The following ENTPD7 variants were observed in gnomAD, a reference collection of about 807,000 sequenced individuals.
The protein encoded by ENTPD7 is ectonucleoside triphosphate diphosphohydrolase 7, also known as NTPDase 7.
Under a neutral mutation model 77.9 loss-of-function variants are expected in ENTPD7, and 53 were observed. That is an observed-to-expected ratio of 0.68 (90% CI 0.55 to 0.85). ENTPD7 has a LOEUF of 0.85. Ranked by LOEUF, ENTPD7 falls within the 40% of genes least tolerant of loss-of-function variation. The probability of loss-of-function intolerance (pLI) is 0.00; values close to 1 mark genes in which losing one functional copy is unlikely to be tolerated. For synonymous variants in ENTPD7, 248 were observed against 274.9 expected (o/e 0.90, Z 0.97); for missense variants, 636 against 743.7 (o/e 0.86, Z 1.68).
chr10:99,695,246 C>T (rs552221247), intron 8 of ENTPD7, among the ~76,000 whole-genome samples: 12 of 151,490 alleles, frequency 7.9e-5, no homozygotes, highest in South Asian at 4.2e-4. Flanking sequence ...GCCACAGAAC[C>T]GGGCACAGTG....
chr10:99,668,226 T>C (rs7913939), intron 3 of ENTPD7, among the ~76,000 whole-genome samples: 130,690 of 152,110 alleles, frequency 0.86, 56,226 homozygotes, highest in Middle Eastern at 0.92. Flanking sequence ...TGAGCCACCA[T>C]GCCTGGCCAT....
At position 99,709,767 on chromosome 10, in the gene ENTPD7, T is replaced by C. The variant is rs200422911; in HGVS notation, c.*5084T>C. The stretch of plus-strand genomic sequence containing the variant: ...TTATCTTCCTTATATCCTAATAGAC[T>C]TCTCTTGTGTTATTACACATTTCTC... On this transcript the variant is annotated 3_prime_UTR_variant, in exon 13 of 13. Transcript: ENST00000370489. The C allele has an allele frequency of 2.0e-6, 2 of 985,218 alleles. No individual in the cohort carries two copies. Among genetic ancestry groups the C allele is most frequent in the Non-Finnish European group, 1.2e-6 (1 of 829,834 alleles). 61.0% of individuals were successfully genotyped at this position (985,218 alleles called of 1,614,324 possible). A position where few individuals can be genotyped will look rare whatever the true frequency, so the allele number is the denominator to read the frequency against.
At position 99,687,215 on chromosome 10, in the gene ENTPD7, C is replaced by T. The variant is rs976295944; in HGVS notation, c.652+1320C>T. Among the ~76,000 whole-genome samples, 355 of 141,078 alleles carry T rather than the reference C, an allele frequency of 2.5e-3. 3 individuals carry two copies. The highest frequency in any genetic ancestry group is 4.4e-3 in the Non-Finnish European group (286 of 65,222). The allele number at this position is 141,078 out of a possible 152,430, so 92.6% of individuals were successfully genotyped here. A position where few individuals can be genotyped will look rare whatever the true frequency, so the allele number is the denominator to read the frequency against. On this transcript the variant is annotated intron_variant, in intron 6 of 12. Transcript: ENST00000370489. ...CAGGCGCAAGCCACTGCGGCCGGCCCGTGATTCTATTAGTTCATTTTTCTT... is the reference window on the plus strand; with the variant it reads ...CAGGCGCAAGCCACTGCGGCCGGCCTGTGATTCTATTAGTTCATTTTTCTT...
At chr10:99,686,024 CT>C (rs1393847535) in intron 6 of ENTPD7, 129 bp downstream of exon 6, 1 of 591,476 alleles carries the variant, frequency 1.7e-6, no homozygotes, top group Non-Finnish European at 2.9e-6. Flanking sequence ...CTTGATTCTG[CT>C]ACATAGTTGA....
At chr10:99,696,203 A>C (rs1433339709) in intron 9 of ENTPD7, 81 bp downstream of exon 9, 1 of 1,501,906 alleles carries the variant, frequency 6.7e-7, no homozygotes, top group Non-Finnish European at 9.0e-7. Flanking sequence ...CATCCTCCTA[A>C]GACAGATAAG....
rs763305138 is a variant in ENTPD7, at chr10:99,688,754, AG to A, written c.709+5del. ...GGAAGATTCGACCACGAGGATGGTG[AG>A]TAATATTGTCTTTTTATGACAGTTT... is the stretch of plus-strand genomic sequence containing the variant. On this transcript the variant is annotated splice_donor_5th_base_variant and intron_variant, in intron 7 of 12. Transcript: ENST00000370489. The A allele has an allele frequency of 1.2e-6, 2 of 1,613,728 alleles. No homozygotes were observed. The highest frequency in any genetic ancestry group is 2.7e-5 in the African/African-American group (2 of 74,924).
At chr10:99,663,560 A>G (rs899840115) in intron 3 of ENTPD7, among the ~76,000 whole-genome samples, 22 of 151,948 alleles carry the variant, frequency 1.4e-4, no homozygotes, top group African/African-American at 5.3e-4. Context: ...CCTGGGCTCA[A>G]GCTATCTTCC....
intron 3 of ENTPD7, among the ~76,000 whole-genome samples, chr10:99,674,551 A>G (rs2035657040): frequency 6.6e-6 from 1 of 152,072 alleles, no homozygotes; most frequent in South Asian, 2.1e-4. Flanking sequence ...ATCATACAGT[A>G]TTTGTCTTTT....
intron 8 of ENTPD7, among the ~76,000 whole-genome samples, chr10:99,694,671 G>A (rs907782627): frequency 6.6e-5 from 10 of 151,790 alleles, no homozygotes; most frequent in Non-Finnish European, 1.5e-4. Flanking sequence ...TGAGTAGCTG[G>A]GATTACAGGC....
In ENTPD7 at chr10:99,709,767, T is replaced by A. The variant is rs200422911; in HGVS notation, c.*5084T>A. 7.1e-6 allele frequency: 7 copies of A among 985,218 alleles called. No individual in the cohort carries two copies. The East Asian group carries it at 6.8e-4, about 96-fold the overall frequency. The allele number at this position is 985,218 out of a possible 1,614,324, so 61.0% of individuals were successfully genotyped here. On this transcript the variant is annotated 3_prime_UTR_variant, in exon 13 of 13. Coordinates refer to ENST00000370489, the MANE Select transcript of ENTPD7 (RefSeq NM_020354.5). Reference sequence around the variant, plus strand: ...TTATCTTCCTTATATCCTAATAGACTTCTCTTGTGTTATTACACATTTCTC... The same window carrying A: ...TTATCTTCCTTATATCCTAATAGACATCTCTTGTGTTATTACACATTTCTC...
intron 7 of ENTPD7, 71 bp from the exon 8 acceptor site, chr10:99,691,314 G>C (rs1342636308): frequency 2.0e-6 from 3 of 1,506,406 alleles, no homozygotes; most frequent in Non-Finnish European, 2.7e-6. Context: ...TCAAGGGATT[G>C]CTGTTTTGGG....
chr10:99,696,030 G>C lies in ENTPD7; in HGVS notation c.918G>C (p.Arg306Ser), dbSNP rs1174634561. 3 of 1,614,174 alleles carry C rather than the reference G, an allele frequency of 1.9e-6. No homozygotes were observed. Among genetic ancestry groups the C allele is most frequent in the Middle Eastern group, 1.6e-4 (1 of 6,062 alleles). ...CDVQHTEHVY[R>S]VYVTTFLGFG... The stretch of plus-strand genomic sequence containing the variant: ...TGCAACACACTGAACACGTGTACAG[G>C]GTTTATGTCACAACTTTTCTGGGTT... The change falls in exon 9 of 13, where the codon AGG (arginine) becomes AGC (serine). Residue 306 changes from arginine (R) to serine (S), a missense_variant. By Grantham distance (110) the Arg-to-Ser change is moderately radical. Around this residue, in one of 3 missense-constraint regions of ENTPD7, gnomAD observed 486 missense variants for 556.5 expected, o/e 0.87. Coordinates refer to ENST00000370489, the MANE Select transcript of ENTPD7 (RefSeq NM_020354.5).
chr10:99,677,936 T>G (rs1019023104), intron 3 of ENTPD7, among the ~76,000 whole-genome samples: 1 of 152,194 alleles, frequency 6.6e-6, no homozygotes. Context: ...AACCTTGCTA[T>G]GTTTCATGGA....
At position 99,661,525 on chromosome 10, in the gene ENTPD7, G is replaced by T; in HGVS notation, c.88G>T (p.Ala30Ser). The T allele has an allele frequency of 6.2e-7, 1 of 1,613,586 alleles. No homozygotes were observed. The highest frequency in any genetic ancestry group is 8.5e-7 in the Non-Finnish European group (1 of 1,179,836). ...TVSPFLRQRV[A>S]FLGLFFISCL... is the part of the protein sequence containing the mutation. Reference sequence around the variant, plus strand: ...GAGTCCATTTCTCCGTCAGCGGGTGGCATTCCTGGGACTCTTCTTCATATC... The same window carrying T: ...GAGTCCATTTCTCCGTCAGCGGGTGTCATTCCTGGGACTCTTCTTCATATC... The change falls in exon 3 of 13, where the codon GCA becomes TCA. Residue 30 changes from alanine to serine, a missense_variant. By Grantham distance (99) the Ala-to-Ser change is moderately conservative. Around this residue, in one of 3 missense-constraint regions of ENTPD7, gnomAD observed 486 missense variants for 556.5 expected, o/e 0.87. Coordinates refer to ENST00000370489, the MANE Select transcript of ENTPD7 (RefSeq NM_020354.5).
rs901730380 is a variant in ENTPD7 at position 99,660,373 on chromosome 10, T to A, written c.8+409T>A. The A allele has an allele frequency of 4.2e-5, 49 of 1,167,936 alleles. No individual in the cohort carries two copies. The African/African-American group carries it at 6.3e-4, about 15-fold the overall frequency. The allele number at this position is 1,167,936 out of a possible 1,614,324, so 72.3% of individuals were successfully genotyped here. A position where few individuals can be genotyped will look rare whatever the true frequency, so the allele number is the denominator to read the frequency against. On this transcript the variant is annotated intron_variant, in intron 2 of 12. Coordinates refer to ENST00000370489, the MANE Select transcript of ENTPD7 (RefSeq NM_020354.5). ...AGTGAACTTCACAGATGAATACACT[T>A]ATCCATACATTATAATAACCTGAAG...
intron 3 of ENTPD7, among the ~76,000 whole-genome samples, chr10:99,668,589 G>A (rs532338912): frequency 6.6e-6 from 1 of 152,054 alleles, no homozygotes; most frequent in Non-Finnish European, 1.5e-5. Context: ...GGAATGTCAG[G>A]TGCATTGATT....
At chr10:99,664,024 A>T (rs1230215334) in intron 3 of ENTPD7, among the ~76,000 whole-genome samples, 1 of 151,230 alleles carries the variant, frequency 6.6e-6, no homozygotes, top group African/African-American at 2.4e-5. Context: ...ATTTGTTAGT[A>T]TTTTTTTCTG....
Position 99,698,564 on chromosome 10 carries a change from C to T in ENTPD7, c.1041C>T (p.Pro347=), listed in dbSNP as rs193135919. The T allele has an allele frequency of 1.8e-4, 286 of 1,613,982 alleles. 1 individual carries two copies. The African/African-American group carries it at 3.0e-3, about 17-fold the overall frequency. ...TTGGTCAGAAGACAGGTCTGAGTCCCGACAATCCATTTCTGGATCCCTGCC... is the reference window on the plus strand; with the variant it reads ...TTGGTCAGAAGACAGGTCTGAGTCCTGACAATCCATTTCTGGATCCCTGCC... The part of the protein sequence containing the change: ...RLLGQKTGLS[P]DNPFLDPCLP... Residue 347 remains proline, a synonymous_variant, in exon 10 of 13, where the codon CCC becomes CCT. Coordinates refer to ENST00000370489, the MANE Select transcript of ENTPD7 (RefSeq NM_020354.5).
In ENTPD7 at chr10:99,691,502, T is replaced by C. The variant is rs11190245; in HGVS notation, c.827T>C (p.Val276Ala). The change falls in exon 8 of 13, where the codon GTC becomes GCC. Residue 276 changes from valine to alanine, a missense_variant. Val to Ala is a moderately conservative substitution (Grantham distance 64, BLOSUM62 0). Coordinates refer to ENST00000370489, the MANE Select transcript of ENTPD7 (RefSeq NM_020354.5). ...TATGAAGTTCCTACCTCAACCTCTG[T>C]CCTTCCTGCAAAGCAGGTACTTTAC... ...IAYEVPTSTS[V>A]LPAKQEEAAK... 452,568 of 1,613,152 alleles carry C rather than the reference T, an allele frequency of 0.28. 65,619 individuals are homozygous for C. The highest frequency in any genetic ancestry group is 0.3 in the Non-Finnish European group (353,138 of 1,179,542).
Sources: allele counts gnomAD v4.1 joint callset (sites outside exome capture counted in the v4.1 genomes callset), GRCh38; gene constraint gnomAD v4.1.1; regional missense constraint gnomAD v4.1.1; transcripts MANE v1.5; gene names NCBI Gene and HGNC (gene_info 2026-07-23, HGNC 2026-07-21).